The following MMP26 variants were observed in gnomAD, a reference collection of about 807,000 sequenced individuals.
MMP26 encodes matrix metallopeptidase 26, also known as matrix metalloproteinase-26.
A neutral mutation model predicts 31.0 loss-of-function variants in MMP26; 33 were observed. The observed-to-expected ratio is 1.06, with a 90% CI of 0.81 to 1.42. The LOEUF (loss-of-function observed/expected upper bound fraction) is 1.42, where lower values mean the gene tolerates loss of function less well. Ranked by LOEUF, MMP26 falls within the 40% of genes most tolerant of loss-of-function variation. The pLI is 0.00. For missense variants in MMP26, 347 were observed against 316.1 expected (o/e 1.10, Z -0.74); for synonymous variants, 122 against 114.9 (o/e 1.06, Z -0.40).
At chr11:4,914,587 G>A (rs1851044563) in intron 2 of MMP26, 2 of 657,412 alleles carry the variant, frequency 3.0e-6, no homozygotes, top group Non-Finnish European at 5.2e-6. Context: ...GTTCTGTAAG[G>A]ACTGTAACTC....
At chr11:4,856,570 A>G (rs1036371552) in intron 2 of MMP26, among the ~76,000 whole-genome samples, 2 of 152,212 alleles carry the variant, frequency 1.3e-5, no homozygotes, top group African/African-American at 4.8e-5. Context: ...AGATTCATAA[A>G]GCAAGTCCTG....
chr11:4,904,356 G>A (rs752364403), intron 2 of MMP26, among the ~76,000 whole-genome samples: 7 of 152,072 alleles, frequency 4.6e-5, no homozygotes, highest in Non-Finnish European at 7.4e-5. Context: ...TTAAAGAATA[G>A]CAATTCTAAG....
At chr11:4,898,931 A>G (rs1455155739) in intron 2 of MMP26, among the ~76,000 whole-genome samples, 2 of 151,896 alleles carry the variant, frequency 1.3e-5, no homozygotes, top group Non-Finnish European at 2.9e-5. Flanking sequence ...AGTTAGAAAG[A>G]TAATTTGACA....
intron 1 of MMP26, among the ~76,000 whole-genome samples, chr11:4,706,648 C>G (rs1465494541): frequency 1.3e-5 from 2 of 150,262 alleles, no homozygotes; most frequent in African/African-American, 4.9e-5. Flanking sequence ...GAGATTTACT[C>G]TAACTTTTAA....
chr11:4,742,237 C>G (rs750258663), intron 1 of MMP26, among the ~76,000 whole-genome samples: 12 of 152,146 alleles, frequency 7.9e-5, no homozygotes, highest in Non-Finnish European at 1.6e-4. Context: ...CAACAAAGTC[C>G]CTGACCTCAT....
chr11:4,946,715 T>G (rs1564812528), intron 2 of MMP26: 1 of 1,589,790 alleles, frequency 6.3e-7, no homozygotes, highest in Non-Finnish European at 8.6e-7. Context: ...CAGAGGGTTG[T>G]GGATGGCTAG....
chr11:4,923,637 C>G (rs1168694530), intron 2 of MMP26: 1 of 1,613,728 alleles, frequency 6.2e-7, no homozygotes, highest in Non-Finnish European at 8.5e-7. Context: ...CGGAGTCGCT[C>G]CTGGTGGGAG....
chr11:4,933,424 C>G (rs76287858), intron 2 of MMP26, among the ~76,000 whole-genome samples: 1,727 of 151,576 alleles, frequency 0.011, 32 homozygotes, highest in African/African-American at 0.04. Flanking sequence ...AAAACAACAC[C>G]TATGACTCTG....
intron 2 of MMP26, among the ~76,000 whole-genome samples, chr11:4,957,514 G>A (rs985525321): frequency 3.3e-5 from 5 of 151,220 alleles, no homozygotes; most frequent in East Asian, 1.9e-4. Context: ...TATTCCTTTC[G>A]TCCTTTCCCC....
At position 4,822,146 on chromosome 11, in the gene MMP26, C is replaced by T. The variant is rs753406206; in HGVS notation, c.-145+54805C>T. 3.7e-6 allele frequency: 6 copies of T among 1,613,588 alleles called. No individual in the cohort carries two copies. In the East Asian group the frequency reaches 8.9e-5, roughly 24 times the overall value. ...GAAGAGAGGCGGAAAGCCTTCAACACCTGCACATCCCACATCAGTGCTGTT... is the reference window on the plus strand; with the variant it reads ...GAAGAGAGGCGGAAAGCCTTCAACATCTGCACATCCCACATCAGTGCTGTT... On this transcript the variant is annotated intron_variant, in intron 2 of 7. Coordinates refer to ENST00000380390, the MANE Select transcript of MMP26 (RefSeq NM_021801.5).
chr11:4,882,089 T>C, intron 2 of MMP26: 1 of 1,613,942 alleles, frequency 6.2e-7, no homozygotes, highest in Non-Finnish European at 8.5e-7. Flanking sequence ...CATGTATTAT[T>C]TCCTCTCCAT....
intron 2 of MMP26, among the ~76,000 whole-genome samples, chr11:4,971,297 C>A (rs1392279090): frequency 1.3e-5 from 2 of 152,104 alleles, no homozygotes; most frequent in Non-Finnish European, 2.9e-5. Context: ...ACACACAAAA[C>A]CTTAAGAATC....
chr11:4,870,722 T>C (rs180912398), intron 2 of MMP26, among the ~76,000 whole-genome samples: 1 of 152,198 alleles, frequency 6.6e-6, no homozygotes, highest in East Asian at 1.9e-4. Context: ...CTTAAGCAGA[T>C]GAAAAGAAAA....
At chr11:4,813,503 A>T (rs1176950281) in intron 2 of MMP26, among the ~76,000 whole-genome samples, 1 of 152,170 alleles carries the variant, frequency 6.6e-6, no homozygotes, top group Non-Finnish European at 1.5e-5. Context: ...CTAGGATTAC[A>T]GGCAGGAGCC....
At chr11:4,814,709 GGC>G in intron 2 of MMP26, among the ~76,000 whole-genome samples, 1 of 152,094 alleles carries the variant, frequency 6.6e-6, no homozygotes, top group African/African-American at 2.4e-5. Flanking sequence ...TAAAACTACT[GGC>G]TCTGTAGCCA....
At chr11:4,804,109 T>C (rs138589452) in intron 2 of MMP26, 8 of 1,614,064 alleles carry the variant, frequency 5.0e-6, no homozygotes, top group Non-Finnish European at 6.8e-6. Flanking sequence ...CTCATGAGCA[T>C]GAAACCAGAA....
intron 2 of MMP26, among the ~76,000 whole-genome samples, chr11:4,802,371 T>G (rs1450380660): frequency 6.6e-6 from 1 of 152,148 alleles, no homozygotes; most frequent in Non-Finnish European, 1.5e-5. Flanking sequence ...AAATATTTTA[T>G]TTTTCATTAA....
At chr11:4,921,214 CT>C (rs1313173718) in intron 2 of MMP26, among the ~76,000 whole-genome samples, 6 of 152,178 alleles carry the variant, frequency 3.9e-5, no homozygotes, top group Non-Finnish European at 5.9e-5. Flanking sequence ...GGAAGCTCTT[CT>C]TTTCCCTAGG....
rs758880719 is a variant in MMP26 at position 4,907,433 on chromosome 11, C to T, written c.-144-80635C>T. 16 of 1,613,870 alleles carry T rather than the reference C, an allele frequency of 9.9e-6. No individual in the cohort carries two copies. The Admixed American group carries it at 2.0e-4, about 20-fold the overall frequency. ...TCTGATTGGGATCCCAGGACTGGAA[C>T]ATGCCCACATTTGGTTCTCCATCCC... On this transcript the variant is annotated intron_variant, in intron 2 of 7. Coordinates refer to ENST00000380390, the MANE Select transcript of MMP26 (RefSeq NM_021801.5).
Sources: gnomAD v4.1 joint callset for allele counts (sites outside exome capture counted in the v4.1 genomes callset) on GRCh38, gnomAD v4.1.1 for gene constraint, MANE v1.5 for transcripts, NCBI Gene and HGNC (gene_info 2026-07-23, HGNC 2026-07-21) for gene names.